The following PCDHA3 variants were observed in gnomAD, a reference collection of about 807,000 sequenced individuals.
PCDHA3 encodes protocadherin alpha 3.
In PCDHA3, 41 loss-of-function variants were observed where a neutral mutation model predicts 62.2. That is an observed-to-expected ratio of 0.66 (90% CI 0.51 to 0.86). The LOEUF is 0.86. Among genes scored for constraint, PCDHA3 ranks in the 40% least tolerant of loss-of-function variants. The probability of loss-of-function intolerance (pLI) is 0.00; values close to 1 mark genes in which losing one functional copy is unlikely to be tolerated. For missense variants in PCDHA3, 1,304 were observed against 1,241.2 expected (o/e 1.05, Z -0.76); for synonymous variants, 640 against 555.4 (o/e 1.15, Z -2.14).
chr5:140,823,275 G>C (rs2150124243), intron 1 of PCDHA3: 1 of 1,612,480 alleles, frequency 6.2e-7, no homozygotes, highest in Non-Finnish European at 8.5e-7. Context: ...GGGTGGGCGA[G>C]CGCCCGCTGT....
intron 1 of PCDHA3, chr5:140,884,367 T>G (rs2060126363): frequency 1.2e-6 from 2 of 1,613,928 alleles, no homozygotes; most frequent in Middle Eastern, 3.3e-4. Context: ...AATGTTTACT[T>G]GATCATTGCC....
chr5:140,953,279 A>T (rs2153698724), intron 1 of PCDHA3, among the ~76,000 whole-genome samples: 1 of 152,188 alleles, frequency 6.6e-6, no homozygotes, highest in Non-Finnish European at 1.5e-5. Context: ...TTTGCTCTTT[A>T]TATGTGATTC....
At chr5:140,953,058 C>T (rs1186621578) in intron 1 of PCDHA3, among the ~76,000 whole-genome samples, 1 of 152,202 alleles carries the variant, frequency 6.6e-6, no homozygotes, top group African/African-American at 2.4e-5. Flanking sequence ...TCACCTCTCA[C>T]AGGCCCCATC....
intron 1 of PCDHA3, among the ~76,000 whole-genome samples, chr5:140,913,111 T>C (rs2076211610): frequency 6.6e-6 from 1 of 152,194 alleles, no homozygotes; most frequent in Non-Finnish European, 1.5e-5. Context: ...TAGAATCAGT[T>C]TGGAAGTTAA....
At chr5:140,916,070 G>A (rs1554197282) in intron 1 of PCDHA3, among the ~76,000 whole-genome samples, 1 of 152,130 alleles carries the variant, frequency 6.6e-6, no homozygotes, top group Non-Finnish European at 1.5e-5. Flanking sequence ...CCTGTGGCCA[G>A]TACTACCACT....
At chr5:140,875,773 G>C in intron 1 of PCDHA3, 1 of 1,614,268 alleles carries the variant, frequency 6.2e-7, no homozygotes, top group Non-Finnish European at 8.5e-7. Context: ...GCGGAGCGCG[G>C]AGTGCAGTAT....
intron 1 of PCDHA3, among the ~76,000 whole-genome samples, chr5:140,873,191 C>G (rs1554166611): frequency 6.6e-6 from 1 of 151,960 alleles, no homozygotes; most frequent in Non-Finnish European, 1.5e-5. Flanking sequence ...TATTCATTGG[C>G]TAAAAACATT....
At position 140,854,896 on chromosome 5, in the gene PCDHA3, G is replaced by A. The variant is rs181663374; in HGVS notation, c.2394+51305G>A. Among the ~76,000 whole-genome samples, 38 of 149,756 alleles carry A rather than the reference G, an allele frequency of 2.5e-4. 1 individual carries two copies. Among genetic ancestry groups the A allele is most frequent in the African/African-American group, 4.6e-4 (19 of 40,968 alleles). On this transcript the variant is annotated intron_variant, in intron 1 of 3. Coordinates refer to ENST00000522353, the MANE Select transcript of PCDHA3 (RefSeq NM_018906.3). ...TGTGTCTTTTGGGCATTTGAAAAGC[G>A]TAAATATAACAGGGTTGAAAGCATT...
intron 3 of PCDHA3, among the ~76,000 whole-genome samples, chr5:141,004,794 G>A (rs1272334301): frequency 6.6e-6 from 1 of 152,144 alleles, no homozygotes; most frequent in Non-Finnish European, 1.5e-5. Context: ...GGCAGATTCT[G>A]GCTGAGCTCA....
At chr5:140,987,432 T>G (rs1401623974) in intron 3 of PCDHA3, among the ~76,000 whole-genome samples, 1 of 152,152 alleles carries the variant, frequency 6.6e-6, no homozygotes, top group Non-Finnish European at 1.5e-5. Flanking sequence ...GCAGGGGGCC[T>G]TTCCCCATGC....
At chr5:140,837,131 A>G (rs1181780684) in intron 1 of PCDHA3, 1 of 155,420 alleles carries the variant, frequency 6.4e-6, no homozygotes, top group African/African-American at 2.4e-5. Flanking sequence ...ATTTTATTCT[A>G]TGTATTGTCC....
At chr5:140,928,452 G>T in intron 1 of PCDHA3, 3 of 1,614,126 alleles carry the variant, frequency 1.9e-6, no homozygotes, top group Non-Finnish European at 2.5e-6. Flanking sequence ...AGCTCAGGGG[G>T]TTTCATTTCC....
At chr5:140,840,154 A>G (rs1212681369) in intron 1 of PCDHA3, among the ~76,000 whole-genome samples, 1 of 152,048 alleles carries the variant, frequency 6.6e-6, no homozygotes, top group Admixed American at 6.6e-5. Flanking sequence ...ACGTGAAAGG[A>G]GAGATGGGAT....
intron 1 of PCDHA3, chr5:140,822,231 G>A: frequency 6.2e-7 from 1 of 1,614,236 alleles, no homozygotes; most frequent in Non-Finnish European, 8.5e-7. Context: ...CGCGGTTTCC[G>A]CTAGAGGGCG....
chr5:140,890,724 CT>C (rs2062771629), intron 1 of PCDHA3, among the ~76,000 whole-genome samples: 2 of 152,108 alleles, frequency 1.3e-5, no homozygotes, highest in African/African-American at 2.4e-5. Context: ...TTTTTAATCC[CT>C]TTTGACTTAT....
chr5:140,830,136 C>T (rs2150181675), intron 1 of PCDHA3: 3 of 1,613,258 alleles, frequency 1.9e-6, no homozygotes, highest in Non-Finnish European at 8.5e-7. Flanking sequence ...TCATCACGGG[C>T]GTCGGTGGGC....
At chr5:140,927,970 G>C in intron 1 of PCDHA3, 2 of 1,614,216 alleles carry the variant, frequency 1.2e-6, no homozygotes, top group Non-Finnish European at 1.7e-6. Context: ...CACAGTGATT[G>C]CTCTCTTTAG....
At chr5:140,898,507 C>T (rs538521734) in intron 1 of PCDHA3, among the ~76,000 whole-genome samples, 23 of 152,140 alleles carry the variant, frequency 1.5e-4, no homozygotes, top group African/African-American at 5.1e-4. Context: ...TGTAGATATG[C>T]GGCGTTATTT....
chr5:140,896,256 C>T (rs1335099704), intron 1 of PCDHA3, among the ~76,000 whole-genome samples: 3 of 152,192 alleles, frequency 2.0e-5, no homozygotes, highest in Non-Finnish European at 4.4e-5. Flanking sequence ...TGGTTATGTA[C>T]ACAGTTATGG....
Sources: gnomAD v4.1 joint callset for allele counts (sites outside exome capture counted in the v4.1 genomes callset) on GRCh38, gnomAD v4.1.1 for gene constraint, MANE v1.5 for transcripts, NCBI Gene and HGNC (gene_info 2026-07-23, HGNC 2026-07-21) for gene names.